The following GARNL3 variants were observed in gnomAD, a reference collection of about 807,000 sequenced individuals.
The protein encoded by GARNL3 is GTPase activating Rap/RanGAP domain like 3.
In GARNL3, 63 loss-of-function variants were observed where a neutral mutation model predicts 125.0. The observed-to-expected ratio is 0.50, with a 90% CI of 0.41 to 0.62. The LOEUF is 0.62. GARNL3 is among the 20% of genes least tolerant of loss of function. The probability of loss-of-function intolerance (pLI) is 0.00; values close to 1 mark genes in which losing one functional copy is unlikely to be tolerated. For missense variants in GARNL3, 994 were observed against 1,244.0 expected, an observed-to-expected ratio of 0.80 and a Z score of 3.02; for synonymous variants, 439 against 457.5, an observed-to-expected ratio of 0.96 and a Z score of 0.52.
rs1282621554 is a variant in GARNL3, at chr9:127,280,101, A to C, written c.145-11067A>C. 2.0e-5 allele frequency among the ~76,000 whole-genome samples: 3 copies of C among 152,196 alleles called. No homozygotes were observed. Among genetic ancestry groups the C allele is most frequent in the Non-Finnish European group, 4.4e-5 (3 of 68,030 alleles). ...TGGTTGAAAGAGGCGTATTGAAGTA[A>C]TGTTTGCTTAGCTCTTTACATAAGC... On this transcript the variant is annotated intron_variant, in intron 1 of 27. Transcript: ENST00000373387. The surrounding 1 kb of genome is among the most constrained non-coding windows in gnomAD (Gnocchi z 4.5).
intron 7 of GARNL3, among the ~76,000 whole-genome samples, chr9:127,330,742 T>C (rs1172911444): frequency 4.6e-5 from 7 of 152,154 alleles, no homozygotes; most frequent in Admixed American, 3.9e-4. Flanking sequence ...AATTGACACT[T>C]GAGCTGAAAC....
rs1830734989 is a variant in GARNL3 at position 127,357,211 on chromosome 9, C to A, written c.1936-8C>A. 6.2e-7 allele frequency: 1 copy of A among 1,613,980 alleles called. No homozygotes were observed. Among genetic ancestry groups the A allele is most frequent in the Non-Finnish European group, 8.5e-7 (1 of 1,179,880 alleles). On this transcript the variant is annotated splice_polypyrimidine_tract_variant and splice_region_variant and intron_variant, in intron 20 of 27. Transcript: ENST00000373387. Reference sequence around the variant, plus strand: ...CCCCTGTCTCTTGTATCCTCACCAACCACACAGGAGATCTGTCTGTCTGAC... The same window carrying A: ...CCCCTGTCTCTTGTATCCTCACCAAACACACAGGAGATCTGTCTGTCTGAC...
intron 6 of GARNL3, among the ~76,000 whole-genome samples, chr9:127,323,084 A>G (rs897087235): frequency 5.3e-5 from 8 of 152,204 alleles, no homozygotes; most frequent in Non-Finnish European, 1.2e-4. Flanking sequence ...CAAATCTCAT[A>G]TATATGAAAA....
rs141209020 is a variant in GARNL3 at position 127,241,583 on chromosome 9, C to T, written c.-28-1496C>T. On this transcript the variant is annotated intron_variant, in intron 1 of 10. Transcript: ENST00000439286. ...CTGGGTCAGGTATGCAGCATGTGGC[C>T]TGCTGGGCCCAGGAAAGGCAATGGG... 3.5e-3 allele frequency among the ~76,000 whole-genome samples: 536 copies of T among 151,934 alleles called. 1 individual carries two copies. The highest frequency in any genetic ancestry group is 0.012 in the African/African-American group (508 of 41,396).
intron 18 of GARNL3, 66 bp downstream of exon 18, chr9:127,354,010 C>T: frequency 9.5e-7 from 1 of 1,048,406 alleles, no homozygotes; most frequent in South Asian, 1.3e-5. Flanking sequence ...CGGCCCACAC[C>T]ACAGGTCGCC....
At chr9:127,284,460 T>C (rs916720602) in intron 1 of GARNL3, among the ~76,000 whole-genome samples, 4 of 152,160 alleles carry the variant, frequency 2.6e-5, no homozygotes, top group African/African-American at 9.6e-5. Context: ...GATATGTTAA[T>C]CAATTATACT....
intron 12 of GARNL3, 71 bp downstream of exon 12, chr9:127,338,232 A>G: frequency 8.4e-7 from 1 of 1,196,274 alleles, no homozygotes; most frequent in East Asian, 2.3e-5. Flanking sequence ...GATTTTTACA[A>G]GACTCTTGAT....
chr9:127,308,857 A>G (rs1215334195), intron 2 of GARNL3, among the ~76,000 whole-genome samples: 1 of 152,184 alleles, frequency 6.6e-6, no homozygotes, highest in Non-Finnish European at 1.5e-5. Flanking sequence ...TAAATGGTTC[A>G]GAAAAAATAT....
At chr9:127,294,914 C>G (rs559143606) in intron 2 of GARNL3, among the ~76,000 whole-genome samples, 1 of 152,260 alleles carries the variant, frequency 6.6e-6, no homozygotes, top group East Asian at 1.9e-4. Flanking sequence ...ATTTTGGTAA[C>G]TACTGTGGCA....
At chr9:127,313,341 G>A in intron 3 of GARNL3, 100 bp from the exon 4 acceptor site, 2 of 825,088 alleles carry the variant, frequency 2.4e-6, no homozygotes, top group East Asian at 4.9e-5. Context: ...ATTGTTCCCT[G>A]AGCATGTGGG....
Position 127,238,805 on chromosome 9 carries a change from C to CGG in GARNL3, c.-28-4273_-28-4272insGG, listed in dbSNP as rs1383970024. Among the ~76,000 whole-genome samples, 5 of 152,282 alleles carry CGG rather than the reference C, an allele frequency of 3.3e-5. No homozygotes were observed. In the East Asian group the frequency reaches 7.7e-4, roughly 24 times the overall value. Reference sequence around the variant, plus strand: ...TGTACTCCTCATCTGTCCGGTGCTGCGTTTCTCATAGGTCCTGTGCTCGGT... The same window carrying CGG: ...TGTACTCCTCATCTGTCCGGTGCTGCGGGTTTCTCATAGGTCCTGTGCTCGGT... On this transcript the variant is annotated intron_variant, in intron 1 of 10. Transcript: ENST00000439286.
chr9:127,293,320 A>G (rs1394433887), intron 2 of GARNL3, among the ~76,000 whole-genome samples: 3 of 152,204 alleles, frequency 2.0e-5, no homozygotes, highest in African/African-American at 7.2e-5. Context: ...TGCTTTTATT[A>G]TTCAATTGTA....
At chr9:127,268,011 G>A (rs917697019) in intron 1 of GARNL3, among the ~76,000 whole-genome samples, 5 of 152,196 alleles carry the variant, frequency 3.3e-5, no homozygotes, top group Admixed American at 1.3e-4. Flanking sequence ...TTAGTTTGGT[G>A]ATGAGAAGAT....
At chr9:127,278,983 G>A (rs2064032818) in intron 1 of GARNL3, among the ~76,000 whole-genome samples, 1 of 152,142 alleles carries the variant, frequency 6.6e-6, no homozygotes, top group Middle Eastern at 3.2e-3. Flanking sequence ...CCTGAATCCA[G>A]TAGGACCTTA....
chr9:127,292,772 G>A (rs2064462930), intron 2 of GARNL3, among the ~76,000 whole-genome samples: 1 of 152,210 alleles, frequency 6.6e-6, no homozygotes, highest in Admixed American at 6.5e-5. Flanking sequence ...CAGAGGATAG[G>A]TTCTGGGACC....
At chr9:127,289,698 A>G (rs1016073722) in intron 1 of GARNL3, among the ~76,000 whole-genome samples, 2 of 152,188 alleles carry the variant, frequency 1.3e-5, no homozygotes, top group Non-Finnish European at 2.9e-5. Context: ...CAGAGCCCCT[A>G]AGTAATCAGA....
chr9:127,296,092 C>T (rs1417146071), intron 2 of GARNL3, among the ~76,000 whole-genome samples: 1 of 152,124 alleles, frequency 6.6e-6, no homozygotes, highest in Non-Finnish European at 1.5e-5. Flanking sequence ...CAATAGGGTT[C>T]ATGCTCCTGC....
chr9:127,378,766 TTTG>T, intron 22 of GARNL3, among the ~76,000 whole-genome samples: 1 of 151,522 alleles, frequency 6.6e-6, no homozygotes, highest in African/African-American at 2.4e-5. Context: ...ATATATATTT[TTTG>T]TTTGTTTGTT....
chr9:127,369,558 T>C (rs1831491375), intron 22 of GARNL3, among the ~76,000 whole-genome samples: 1 of 152,216 alleles, frequency 6.6e-6, no homozygotes, highest in African/African-American at 2.4e-5. Context: ...CGTCCCCACC[T>C]GTGCCCCTGC....
Sources: allele counts gnomAD v4.1 joint callset (sites outside exome capture counted in the v4.1 genomes callset), GRCh38; gene constraint gnomAD v4.1.1; non-coding constraint Gnocchi (gnomAD v3.1); transcripts MANE v1.5; gene names NCBI Gene and HGNC (gene_info 2026-07-23, HGNC 2026-07-21).